Variants in RPS6KA4 observed in about 807,000 individuals in gnomAD.
The protein encoded by RPS6KA4 is ribosomal protein S6 kinase A4.
Under a neutral mutation model 89.6 loss-of-function variants are expected in RPS6KA4, and 38 were observed. The observed-to-expected ratio is 0.42, with a 90% confidence interval of 0.33 to 0.56. The LOEUF (loss-of-function observed/expected upper bound fraction) is 0.56, where lower values mean the gene tolerates loss of function less well. Ranked by LOEUF, RPS6KA4 falls within the 20% of genes least tolerant of loss-of-function variation. The pLI is 0.07. For synonymous variants in RPS6KA4, 495 were observed against 492.8 expected (o/e 1.00, Z -0.06); for missense variants, 873 against 1,098.8 (o/e 0.79, Z 2.90).
At position 64,371,416 on chromosome 11, in the gene RPS6KA4, G is replaced by A; in HGVS notation, c.2255G>A (p.Gly752Asp). The A allele has an allele frequency of 1.2e-6, 2 of 1,608,708 alleles. No homozygotes were observed. Among genetic ancestry groups the A allele is most frequent in the South Asian group, 1.1e-5 (1 of 90,848 alleles). ...RRGSPAPANP[G>D]RAPVASKGAP... ...GGCTCCCCTGCACCAGCCAACCCGGGCCGAGCCCCCGTCGCCTCCAAAGGG... is the reference window on the plus strand; with the variant it reads ...GGCTCCCCTGCACCAGCCAACCCGGACCGAGCCCCCGTCGCCTCCAAAGGG... The change falls in exon 17 of 17, where the codon GGC becomes GAC. Residue 752 changes from glycine to aspartate, a missense_variant. By Grantham distance (94) the Gly-to-Asp change is moderately conservative (BLOSUM62 -1). This residue lies in a region of RPS6KA4 where 278 missense variants were observed against 284.8 expected (regional missense o/e 0.98). Coordinates refer to ENST00000334205, the MANE Select transcript of RPS6KA4 (RefSeq NM_003942.3).
At chr11:64,359,583 C>A in intron 2 of RPS6KA4, 134 bp downstream of exon 2, 2 of 910,022 alleles carry the variant, frequency 2.2e-6, no homozygotes, top group Non-Finnish European at 3.3e-6. Context: ...CTTGCCTGCC[C>A]CGCCCTGCCT....
rs747304089 is a variant in RPS6KA4 at position 64,368,203 on chromosome 11, G to A, written c.1143G>A (p.Ala381=). Residue 381 remains alanine, a synonymous_variant, in exon 10 of 17, where the codon GCG becomes GCA. Coordinates refer to ENST00000334205, the MANE Select transcript of RPS6KA4 (RefSeq NM_003942.3). ...CGGTGATGACCGATGGGCTGGAAGCGCCTGGTGCTGGAGACCGGCCAGGTC... is the reference window on the plus strand; with the variant it reads ...CGGTGATGACCGATGGGCTGGAAGCACCTGGTGCTGGAGACCGGCCAGGTC... The part of the protein sequence containing the change: ...NNAVMTDGLE[A]PGAGDRPGRA... 3.8e-5 allele frequency: 62 copies of A among 1,613,626 alleles called. 1 individual carries two copies. The highest frequency in any genetic ancestry group is 1.5e-4 in the Admixed American group (9 of 60,014).
intron 9 of RPS6KA4, 59 bp from the exon 10 acceptor site, chr11:64,368,072 TC>T: frequency 2.0e-6 from 3 of 1,478,714 alleles, no homozygotes; most frequent in Non-Finnish European, 2.8e-6. Context: ...CACCAGAGTC[TC>T]CTCACCCGCA....
At position 64,371,374 on chromosome 11, in the gene RPS6KA4, C is replaced by T; in HGVS notation, c.2213C>T (p.Ala738Val). The stretch of plus-strand genomic sequence containing the variant: ...CGGCGGAAGCAGAAGCTGCGGAGCG[C>T]CACCGCCTCCCGCCGGGGCTCCCCT... ...AKRRKQKLRS[A>V]TASRRGSPAP... Residue 738 changes from alanine to valine, a missense_variant, in exon 17 of 17, where the codon GCC becomes GTC. This residue lies in a region of RPS6KA4 where 278 missense variants were observed against 284.8 expected (regional missense o/e 0.98). Transcript: ENST00000334205. 6.2e-7 allele frequency: 1 copy of T among 1,612,302 alleles called. No individual in the cohort carries two copies. Among genetic ancestry groups the T allele is most frequent in the Non-Finnish European group, 8.5e-7 (1 of 1,179,684 alleles).
chr11:64,369,986 C>T (rs2037014609), intron 14 of RPS6KA4, 93 bp downstream of exon 14: 10 of 1,328,272 alleles, frequency 7.5e-6, no homozygotes, highest in Non-Finnish European at 1.0e-5. Flanking sequence ...CAGGGGTCAT[C>T]TTGGTGGGGG....
rs2036716674 is a variant in RPS6KA4 at position 64,360,532 on chromosome 11, G to A, written c.402G>A (p.Lys134=). 2.5e-6 allele frequency: 4 copies of A among 1,612,696 alleles called. No individual in the cohort carries two copies. Among genetic ancestry groups the A allele is most frequent in the Non-Finnish European group, 3.4e-6 (4 of 1,179,414 alleles). ...ACCTCTACCAGCGCCAGTACTTCAA[G>A]GAGGCTGAGGTGCGCGTGTATGGGG... ...FTHLYQRQYF[K]EAEVRVYGGE... is the part of the protein sequence containing the mutation. Residue 134 remains lysine, a synonymous_variant, in exon 4 of 17, where the codon AAG becomes AAA. Coordinates refer to ENST00000334205, the MANE Select transcript of RPS6KA4 (RefSeq NM_003942.3).
At position 64,360,582 on chromosome 11, in the gene RPS6KA4, A is replaced by G; in HGVS notation, c.452A>G (p.His151Arg). 1 of 1,606,216 alleles carries G rather than the reference A, an allele frequency of 6.2e-7. No homozygotes were observed. Among genetic ancestry groups the G allele is most frequent in the Non-Finnish European group, 8.5e-7 (1 of 1,176,440 alleles). ...GGTGAGATCGTGCTGGCCCTGGAAC[A>G]CCTGCACAAGGTGGGTGAAGACCTG... ...YGGEIVLALE[H>R]LHKLGIIYRD... is the part of the protein sequence containing the mutation. Residue 151 changes from histidine (H) to arginine (R), a missense_variant, in exon 4 of 17, where the codon CAC becomes CGC. By Grantham distance (29) the His-to-Arg change is conservative (BLOSUM62 0). Coordinates refer to ENST00000334205, the MANE Select transcript of RPS6KA4 (RefSeq NM_003942.3).
At chr11:64,364,572 G>C (rs2036831563) in intron 8 of RPS6KA4, among the ~76,000 whole-genome samples, 3 of 152,238 alleles carry the variant, frequency 2.0e-5, no homozygotes, top group Non-Finnish European at 4.4e-5. Flanking sequence ...AAAGTGGTCT[G>C]ACTTAAGGCA....
At chr11:64,359,510 C>G in intron 2 of RPS6KA4, 61 bp downstream of exon 2, 1 of 1,566,978 alleles carries the variant, frequency 6.4e-7, no homozygotes, top group Non-Finnish European at 8.7e-7. Context: ...CTCCTGCCTG[C>G]TCACTCTTGG....
At position 64,359,346 on chromosome 11, in the gene RPS6KA4, C is replaced by T. The variant is rs367775444; in HGVS notation, c.56-32C>T. ...GGGCAGGCCGGGACGGGTCATGGACCGGCTGGGCTCATTCGCCCCCTGTGC... is the reference window on the plus strand; with the variant it reads ...GGGCAGGCCGGGACGGGTCATGGACTGGCTGGGCTCATTCGCCCCCTGTGC... On this transcript the variant is annotated intron_variant, in intron 1 of 16. Transcript: ENST00000334205. 6 of 1,610,698 alleles carry T rather than the reference C, an allele frequency of 3.7e-6. No homozygotes were observed. The African/African-American group carries it at 4.0e-5, about 11-fold the overall frequency.
In RPS6KA4 at chr11:64,370,124, G is replaced by T; in HGVS notation, c.1798-101G>T. ...CAGGGTTCACCACGCGTGGGTCTCA[G>T]GAGTGCCCCTAGTGGGGAGGGTGAG... On this transcript the variant is annotated intron_variant, in intron 14 of 16. Coordinates refer to ENST00000334205, the MANE Select transcript of RPS6KA4 (RefSeq NM_003942.3). This position sits in a 1 kb window ranked among gnomAD's most constrained non-coding sequence, Gnocchi z 4.1. The T allele has an allele frequency of 7.3e-7, 1 of 1,365,198 alleles. No homozygotes were observed. Among genetic ancestry groups the T allele is most frequent in the Non-Finnish European group, 9.9e-7 (1 of 1,014,568 alleles). 84.6% of individuals were successfully genotyped at this position (1,365,198 alleles called of 1,614,324 possible). A position where few individuals can be genotyped will look rare whatever the true frequency, so the allele number is the denominator to read the frequency against.
intron 9 of RPS6KA4, among the ~76,000 whole-genome samples, chr11:64,367,760 G>A (rs1271427856): frequency 1.3e-5 from 2 of 152,168 alleles, no homozygotes; most frequent in East Asian, 3.9e-4. Context: ...TGAAAGGGAG[G>A]AATAAGTTTT....
At position 64,371,593 on chromosome 11, in the gene RPS6KA4, C is replaced by T; in HGVS notation, c.*113C>T. ...GATCCCCAAGGGACTGTCCTTTCCT[C>T]TCCTACCCCACCCCACTCCCAGACA... On this transcript the variant is annotated 3_prime_UTR_variant, in exon 17 of 17. Transcript: ENST00000334205. 1.7e-6 allele frequency: 1 copy of T among 583,050 alleles called. No homozygotes were observed. The highest frequency in any genetic ancestry group is 2.9e-5 in the East Asian group (1 of 34,754). 36.1% of individuals were successfully genotyped at this position (583,050 alleles called of 1,614,324 possible). A position where few individuals can be genotyped will look rare whatever the true frequency, so the allele number is the denominator to read the frequency against.
intron 8 of RPS6KA4, among the ~76,000 whole-genome samples, chr11:64,364,111 A>G (rs2036820720): frequency 6.6e-6 from 1 of 150,814 alleles, no homozygotes; most frequent in Admixed American, 6.6e-5. Flanking sequence ...ACAGTGCCAC[A>G]TTGTCTTCAG....
At chr11:64,371,241 G>A (rs1396027431) in intron 16 of RPS6KA4, 42 bp from the exon 17 acceptor site, 4 of 1,593,126 alleles carry the variant, frequency 2.5e-6, no homozygotes, top group Non-Finnish European at 8.6e-7. Flanking sequence ...GGAAGCCGGG[G>A]TCAGGCGGGG....
chr11:64,368,609 G>A lies in RPS6KA4; in HGVS notation c.1334+8G>A. 1 of 1,597,374 alleles carries A rather than the reference G, an allele frequency of 6.3e-7. No homozygotes were observed. On this transcript the variant is annotated splice_region_variant and intron_variant, in intron 11 of 16. Transcript: ENST00000334205. The stretch of plus-strand genomic sequence containing the variant: ...CAAGATCCTCAGTCGCAGGTGGGAG[G>A]GCCCAGGCGCGGGCAGGGGTGGGGG...
At position 64,370,341 on chromosome 11, in the gene RPS6KA4, G is replaced by A. The variant is rs369263272; in HGVS notation, c.1914G>A (p.Glu638=). 1 of 1,606,092 alleles carries A rather than the reference G, an allele frequency of 6.2e-7. No individual in the cohort carries two copies. Among genetic ancestry groups the A allele is most frequent in the Non-Finnish European group, 8.5e-7 (1 of 1,177,800 alleles). ...AGGGGCGCTTCTCCCTTGACGGGGAGGCCTGGCAGGGTGTATCCGAGGAAG... is the reference window on the plus strand; with the variant it reads ...AGGGGCGCTTCTCCCTTGACGGGGAAGCCTGGCAGGGTGTATCCGAGGAAG... ...IREGRFSLDG[E]AWQGVSEEAK... is the part of the protein sequence containing the mutation. The change falls in exon 15 of 17, where the codon GAG becomes GAA. Residue 638 remains glutamate (E), a synonymous_variant. Coordinates refer to ENST00000334205, the MANE Select transcript of RPS6KA4 (RefSeq NM_003942.3). This position sits in a 1 kb window ranked among gnomAD's most constrained non-coding sequence, Gnocchi z 4.1.
In RPS6KA4 at chr11:64,368,598, G is replaced by T; in HGVS notation, c.1331G>T (p.Arg444Leu). The part of the protein sequence containing the change: ...GQEFAVKILS[R>L]RLEANTQREV... ...GAGTTCGCAGTCAAGATCCTCAGTC[G>T]CAGGTGGGAGGGCCCAGGCGCGGGC... Residue 444 changes from arginine (R) to leucine (L), a missense_variant, in exon 11 of 17, where the codon CGC (arginine) becomes CTC (leucine). Physicochemically the swap from Arg to Leu is moderately radical, Grantham distance 102. Around this residue, in one of 4 missense-constraint regions of RPS6KA4, gnomAD observed 542 missense variants for 736.4 expected, o/e 0.74. Transcript: ENST00000334205. 1 of 1,598,958 alleles carries T rather than the reference G, an allele frequency of 6.3e-7. No homozygotes were observed.
chr11:64,368,189 G>A lies in RPS6KA4; in HGVS notation c.1129G>A (p.Asp377Asn). The A allele has an allele frequency of 6.2e-7, 1 of 1,613,744 alleles. No individual in the cohort carries two copies. Among genetic ancestry groups the A allele is most frequent in the Non-Finnish European group, 8.5e-7 (1 of 1,180,032 alleles). Residue 377 changes from aspartate to asparagine, a missense_variant, in exon 10 of 17, where the codon GAT becomes AAT. By Grantham distance (23) the Asp-to-Asn change is conservative. Around this residue, in one of 4 missense-constraint regions of RPS6KA4, gnomAD observed 542 missense variants for 736.4 expected, o/e 0.74. Coordinates refer to ENST00000334205, the MANE Select transcript of RPS6KA4 (RefSeq NM_003942.3). ...LFDHNNAVMT[D>N]GLEAPGAGDR... ...TGACCACAACAACGCGGTGATGACC[G>A]ATGGGCTGGAAGCGCCTGGTGCTGG...
Sources: allele counts gnomAD v4.1 joint callset (sites outside exome capture counted in the v4.1 genomes callset), GRCh38; gene constraint gnomAD v4.1.1; regional missense constraint gnomAD v4.1.1; non-coding constraint Gnocchi (gnomAD v3.1); transcripts MANE v1.5; gene names NCBI Gene and HGNC (gene_info 2026-07-23, HGNC 2026-07-21).